Variants in GRM7 observed in about 807,000 individuals in gnomAD.
GRM7 encodes metabotropic glutamate receptor 7.
In GRM7, 35 loss-of-function variants were observed where a neutral mutation model predicts 84.5. The ratio of observed to expected loss-of-function variants is 0.41; its 90% CI spans 0.32 to 0.55. The LOEUF is 0.55. GRM7 is among the 20% of genes least tolerant of loss of function. The pLI, the probability that GRM7 is intolerant of heterozygous loss-of-function variation, is 0.19. For missense variants in GRM7, 1,003 were observed against 1,194.6 expected (o/e 0.84, Z 2.36); for synonymous variants, 487 against 455.1 (o/e 1.07, Z -0.89).
intron 2 of GRM7, among the ~76,000 whole-genome samples, chr3:7,165,694 G>C (rs1408617136): frequency 6.6e-6 from 1 of 152,150 alleles, no homozygotes; most frequent in African/African-American, 2.4e-5. Flanking sequence ...TGTTAGCTAG[G>C]ACAAGTCTCT....
intron 1 of GRM7, among the ~76,000 whole-genome samples, chr3:6,980,877 G>A (rs1471028921): frequency 6.6e-6 from 1 of 152,214 alleles, no homozygotes. Context: ...TATAGATTAG[G>A]TGAGATGATC....
intron 7 of GRM7, among the ~76,000 whole-genome samples, chr3:7,467,409 G>A (rs538881323): frequency 6.6e-6 from 1 of 152,272 alleles, no homozygotes; most frequent in South Asian, 2.1e-4. Context: ...TTTTAGCCAT[G>A]TGGTTTGCCC....
At chr3:7,596,336 A>C (rs1435889945) in intron 8 of GRM7, among the ~76,000 whole-genome samples, 1 of 152,180 alleles carries the variant, frequency 6.6e-6, no homozygotes, top group Non-Finnish European at 1.5e-5. Flanking sequence ...GGTGGTGAAG[A>C]TGTCAGCTAG....
chr3:6,933,841 C>G (rs757240921), intron 1 of GRM7, among the ~76,000 whole-genome samples: 7 of 151,818 alleles, frequency 4.6e-5, no homozygotes, highest in Non-Finnish European at 1.0e-4. Context: ...AAAGAATAAA[C>G]CAGAATAGTA....
intron 1 of GRM7, among the ~76,000 whole-genome samples, chr3:7,051,360 C>T (rs1696993042): frequency 6.6e-6 from 1 of 151,706 alleles, no homozygotes; most frequent in South Asian, 2.1e-4. Context: ...AAAATTCCTG[C>T]TCAACTGGGC....
At chr3:7,312,587 A>G (rs1259693558) in intron 4 of GRM7, among the ~76,000 whole-genome samples, 1 of 152,154 alleles carries the variant, frequency 6.6e-6, no homozygotes, top group Non-Finnish European at 1.5e-5. Flanking sequence ...TGTTCTTGAC[A>G]TTCTCTTGGC....
At chr3:6,921,640 T>C (rs1053959030) in intron 1 of GRM7, among the ~76,000 whole-genome samples, 2 of 152,160 alleles carry the variant, frequency 1.3e-5, no homozygotes, top group African/African-American at 4.8e-5. Flanking sequence ...TACCAGGCTC[T>C]GCACTGTGTT....
intron 4 of GRM7, among the ~76,000 whole-genome samples, chr3:7,409,374 C>A (rs949248236): frequency 3.3e-5 from 5 of 151,604 alleles, no homozygotes; most frequent in Admixed American, 6.6e-5. Context: ...TCCTGAAAGA[C>A]AAAAGCCCTG....
At chr3:7,454,151 C>G (rs1485554919) in intron 6 of GRM7, among the ~76,000 whole-genome samples, 1 of 150,296 alleles carries the variant, frequency 6.7e-6, no homozygotes, top group East Asian at 2.0e-4. Flanking sequence ...TCACAATACT[C>G]AAGTTAATTG....
Position 7,441,045 on chromosome 3 carries a change from G to A in GRM7, c.1175-11562G>A, listed in dbSNP as rs375825177. 8.5e-5 allele frequency among the ~76,000 whole-genome samples: 13 copies of A among 152,190 alleles called. 1 individual carries two copies. The South Asian group carries it at 1.2e-3, about 15-fold the overall frequency. Reference sequence around the variant, plus strand: ...GATTGTTTGGTCAAATGGTAATTCTGTTTTAAGCTCTTTGAGAAATGACCA... The same window carrying A: ...GATTGTTTGGTCAAATGGTAATTCTATTTTAAGCTCTTTGAGAAATGACCA... On this transcript the variant is annotated intron_variant, in intron 5 of 9. Coordinates refer to ENST00000357716, the MANE Select transcript of GRM7 (RefSeq NM_000844.4).
At chr3:7,156,593 T>C (rs1031136870) in intron 2 of GRM7, among the ~76,000 whole-genome samples, 58 of 152,266 alleles carry the variant, frequency 3.8e-4, no homozygotes, top group African/African-American at 1.3e-3. Context: ...ATATCTGTTA[T>C]ATGAAAACAT....
intron 1 of GRM7, among the ~76,000 whole-genome samples, chr3:7,008,461 G>A (rs1225086174): frequency 6.6e-6 from 1 of 152,168 alleles, no homozygotes; most frequent in Non-Finnish European, 1.5e-5. Context: ...TTTGCTAAAT[G>A]TGTTTACATT....
At chr3:7,556,254 A>G (rs1000994196) in intron 7 of GRM7, among the ~76,000 whole-genome samples, 3 of 152,094 alleles carry the variant, frequency 2.0e-5, no homozygotes, top group South Asian at 2.1e-4. Flanking sequence ...TCATTATTTA[A>G]TCATCCCCAA....
chr3:7,434,261 CAG>C (rs1559319074), intron 5 of GRM7, among the ~76,000 whole-genome samples: 1 of 152,150 alleles, frequency 6.6e-6, no homozygotes, highest in Non-Finnish European at 1.5e-5. Flanking sequence ...TCATCTGACA[CAG>C]TGCTTTCTTA....
chr3:7,473,489 G>GGAGA (rs372898836), intron 7 of GRM7, among the ~76,000 whole-genome samples: 13,439 of 126,242 alleles, frequency 0.11, 846 homozygotes, highest in East Asian at 0.19. Context: ...AAAACGAGAG[G>GGAGA]GAGAGAGAGA....
intron 8 of GRM7, among the ~76,000 whole-genome samples, chr3:7,620,248 G>A (rs1176794857): frequency 6.6e-6 from 1 of 152,064 alleles, no homozygotes; most frequent in African/African-American, 2.4e-5. Flanking sequence ...TGTAAAATAT[G>A]CACTATTTGG....
intron 8 of GRM7, among the ~76,000 whole-genome samples, chr3:7,605,862 AAC>A (rs1277986946): frequency 1.3e-5 from 2 of 152,220 alleles, no homozygotes; most frequent in Admixed American, 6.5e-5. Context: ...ACAGCTACTG[AAC>A]TTTGCTATTG....
chr3:7,434,500 T>A (rs1696962202), intron 5 of GRM7, among the ~76,000 whole-genome samples: 3 of 152,148 alleles, frequency 2.0e-5, no homozygotes, highest in African/African-American at 7.2e-5. Context: ...TTGTTATGGG[T>A]GAATGTGTCA....
At chr3:7,511,936 GT>G (rs1028072050) in intron 7 of GRM7, among the ~76,000 whole-genome samples, 2 of 152,120 alleles carry the variant, frequency 1.3e-5, no homozygotes, top group African/African-American at 2.4e-5. Context: ...GAGGCCAGTA[GT>G]TTGAGAGAAG....
Sources: gnomAD v4.1 joint callset for allele counts (sites outside exome capture counted in the v4.1 genomes callset) on GRCh38, gnomAD v4.1.1 for gene constraint, MANE v1.5 for transcripts, NCBI Gene and HGNC (gene_info 2026-07-23, HGNC 2026-07-21) for gene names.